The following FRMD4A variants were observed in gnomAD, a reference collection of about 807,000 sequenced individuals.
The protein encoded by FRMD4A is FERM domain-containing protein 4A.
FRMD4A carries 29 observed loss-of-function variants against 129.1 expected under a neutral mutation model. The ratio of observed to expected loss-of-function variants is 0.22; its 90% CI spans 0.17 to 0.31. The LOEUF (loss-of-function observed/expected upper bound fraction) is 0.31, where lower values mean the gene tolerates loss of function less well. Ranked by LOEUF, FRMD4A falls within the 10% of genes least tolerant of loss-of-function variation. The pLI, the probability that FRMD4A is intolerant of heterozygous loss-of-function variation, is 1.00. For missense variants in FRMD4A, 1,272 were observed against 1,375.8 expected (o/e 0.92, Z 1.19); for synonymous variants, 634 against 571.6 (o/e 1.11, Z -1.56).
At chr10:14,218,536 G>A (rs1366635169) in intron 2 of FRMD4A, among the ~76,000 whole-genome samples, 5 of 152,066 alleles carry the variant, frequency 3.3e-5, no homozygotes, top group South Asian at 2.1e-4. Context: ...CTTACATTGC[G>A]GGAAGTCACA....
At chr10:13,658,881 C>CAAAAAA (rs60536121) in intron 21 of FRMD4A, among the ~76,000 whole-genome samples, 9 of 75,194 alleles carry the variant, frequency 1.2e-4, no homozygotes, top group Non-Finnish European at 9.8e-5. Flanking sequence ...GACTCCATCT[C>CAAAAAA]AAAAAAAAAA....
At chr10:14,078,727 G>C (rs1370195472) in intron 2 of FRMD4A, among the ~76,000 whole-genome samples, 1 of 152,202 alleles carries the variant, frequency 6.6e-6, no homozygotes, top group South Asian at 2.1e-4. Flanking sequence ...TGAATCTCCT[G>C]AAGTCCAGAA....
At chr10:13,817,937 A>T (rs562068339) in intron 3 of FRMD4A, among the ~76,000 whole-genome samples, 83 of 152,336 alleles carry the variant, frequency 5.4e-4, no homozygotes, top group Admixed American at 7.2e-4. Flanking sequence ...ACAGAATACT[A>T]TATTCCACAG....
chr10:13,682,061 A>G (rs2084646612), intron 15 of FRMD4A, among the ~76,000 whole-genome samples: 1 of 116,298 alleles, frequency 8.6e-6, no homozygotes, highest in Non-Finnish European at 2.2e-5. Flanking sequence ...CTCTACAAAA[A>G]TTAAAAAAAA....
intron 2 of FRMD4A, among the ~76,000 whole-genome samples, chr10:14,041,632 G>A (rs1318608558): frequency 6.6e-6 from 1 of 152,160 alleles, no homozygotes; most frequent in African/African-American, 2.4e-5. Flanking sequence ...ATTCATAACA[G>A]CTCCAAAATG....
chr10:13,697,394 C>T (rs2086329325), intron 14 of FRMD4A, among the ~76,000 whole-genome samples: 3 of 152,114 alleles, frequency 2.0e-5, no homozygotes, highest in Admixed American at 6.5e-5. Context: ...GTGATCTGCC[C>T]GACTCAGCCT....
intron 2 of FRMD4A, among the ~76,000 whole-genome samples, chr10:14,280,982 A>ATTTTTT (rs772555677): frequency 5.2e-5 from 4 of 76,522 alleles, no homozygotes; most frequent in African/African-American, 1.1e-4. Flanking sequence ...ACTGGTTTCA[A>ATTTTTT]TTTTTTTTTT....
intron 18 of FRMD4A, 145 bp downstream of exon 18, chr10:13,665,952 C>G (rs377208075): frequency 6.3e-6 from 4 of 639,628 alleles, no homozygotes; most frequent in Non-Finnish European, 5.6e-6. Context: ...AGGCCTTACT[C>G]GCTTCATTTT....
chr10:13,970,137 G>A (rs2095508917), intron 2 of FRMD4A, among the ~76,000 whole-genome samples: 1 of 152,148 alleles, frequency 6.6e-6, no homozygotes, highest in Non-Finnish European at 1.5e-5. Context: ...GAACTTTTCG[G>A]ATGCTGGTCA....
At chr10:14,095,307 G>A (rs1435606941) in intron 2 of FRMD4A, among the ~76,000 whole-genome samples, 1 of 152,170 alleles carries the variant, frequency 6.6e-6, no homozygotes, top group African/African-American at 2.4e-5. Flanking sequence ...AGTTTTAAAA[G>A]ATTCTGCATG....
intron 2 of FRMD4A, among the ~76,000 whole-genome samples, chr10:13,999,901 A>C (rs887701243): frequency 6.6e-5 from 10 of 152,234 alleles, no homozygotes; most frequent in Admixed American, 6.5e-5. Context: ...CTTGAAGGAC[A>C]ATTCTGTTTT....
chr10:14,290,579 A>G (rs935116309), intron 2 of FRMD4A, among the ~76,000 whole-genome samples: 3 of 152,102 alleles, frequency 2.0e-5, no homozygotes, highest in Non-Finnish European at 4.4e-5. Flanking sequence ...CATATAAATC[A>G]AGTCAAAATT....
intron 15 of FRMD4A, among the ~76,000 whole-genome samples, chr10:13,690,139 G>C (rs1009802047): frequency 6.6e-6 from 1 of 152,140 alleles, no homozygotes; most frequent in African/African-American, 2.4e-5. Flanking sequence ...ATAAAATCCG[G>C]CAAGTGTAAT....
intron 2 of FRMD4A, among the ~76,000 whole-genome samples, chr10:13,903,845 T>C (rs1565007548): frequency 6.6e-6 from 1 of 152,064 alleles, no homozygotes; most frequent in African/African-American, 2.4e-5. Context: ...ACCATGCCAC[T>C]ACACTCCAGC....
intron 2 of FRMD4A, among the ~76,000 whole-genome samples, chr10:14,015,695 T>C (rs1159431355): frequency 6.6e-6 from 1 of 152,232 alleles, no homozygotes; most frequent in African/African-American, 2.4e-5. Context: ...TGAATTGTAT[T>C]ATTTTCATTT....
intron 2 of FRMD4A, among the ~76,000 whole-genome samples, chr10:13,900,703 C>A (rs903849463): frequency 6.6e-6 from 1 of 151,958 alleles, no homozygotes; most frequent in African/African-American, 2.4e-5. Context: ...TTGAGACCAG[C>A]CTGGCCAACA....
intron 2 of FRMD4A, among the ~76,000 whole-genome samples, chr10:14,201,897 G>A (rs1412546631): frequency 6.6e-6 from 1 of 152,190 alleles, no homozygotes; most frequent in Non-Finnish European, 1.5e-5. Context: ...TTGGGAGGCT[G>A]AGGCGGCTGG....
chr10:14,115,706 G>GTGA, intron 2 of FRMD4A, among the ~76,000 whole-genome samples: 1 of 152,040 alleles, frequency 6.6e-6, no homozygotes, highest in Non-Finnish European at 1.5e-5. Context: ...CTCCCTCCCC[G>GTGA]CTCTCTCTTG....
rs993914759 is a variant in FRMD4A, at chr10:13,709,826, G to GT, written c.760-2714dup. Among the ~76,000 whole-genome samples, 368 of 151,338 alleles carry GT rather than the reference G, an allele frequency of 2.4e-3. 1 individual carries two copies. The highest frequency in any genetic ancestry group is 6.9e-3 in the African/African-American group (285 of 41,248). The stretch of plus-strand genomic sequence containing the variant: ...GTTGATATCTTGAAATTCCTAACAG[G>GT]TTTTTTTTTCTTTCTTTATATCTTT... On this transcript the variant is annotated intron_variant, in intron 12 of 24. Transcript: ENST00000357447.
Sources: allele counts gnomAD v4.1 joint callset (sites outside exome capture counted in the v4.1 genomes callset), GRCh38; gene constraint gnomAD v4.1.1; transcripts MANE v1.5; gene names NCBI Gene and HGNC (gene_info 2026-07-23, HGNC 2026-07-21).